DNA2: variants seen among roughly 807,000 people sequenced by gnomAD.
DNA2 encodes the protein DNA replication ATP-dependent helicase/nuclease DNA2.
Under a neutral mutation model 119.1 loss-of-function variants are expected in DNA2, and 101 were observed. That is an observed-to-expected ratio of 0.85 (90% CI 0.72 to 1.00). The LOEUF is 1.00. Ranked by LOEUF, DNA2 falls within the 50% of genes least tolerant of loss-of-function variation. DNA2 has a pLI of 0.00. For synonymous variants in DNA2, 366 were observed against 424.4 expected (o/e 0.86, Z 1.69); for missense variants, 1,121 against 1,255.5 (o/e 0.89, Z 1.62).
chr10:68,449,973 CAAAAA>C (rs57883442), intron 6 of DNA2, 50 bp downstream of exon 6: 229 of 974,726 alleles, frequency 2.3e-4, no homozygotes, highest in Middle Eastern at 3.4e-4. Context: ...GACTCTGTCT[CAAAAA>C]AAAAAAAAAA....
intron 14 of DNA2, among the ~76,000 whole-genome samples, chr10:68,429,544 CAAAAAA>C (rs533902480): frequency 9.8e-6 from 1 of 102,410 alleles, no homozygotes; most frequent in East Asian, 2.8e-4. Context: ...AACTCCGTCT[CAAAAAA>C]AAAAAAAAAA....
intron 14 of DNA2, among the ~76,000 whole-genome samples, chr10:68,427,536 T>C (rs7076176): frequency 0.27 from 40,134 of 149,750 alleles, 7,335 homozygotes; most frequent in African/African-American, 0.52. Context: ...ATAGTTCTAG[T>C]TACTCAGGAG....
chr10:68,437,471 T>C (rs1224197585), intron 9 of DNA2, among the ~76,000 whole-genome samples: 1 of 143,450 alleles, frequency 7.0e-6, no homozygotes, highest in Admixed American at 6.7e-5. Flanking sequence ...ACCCTATCTC[T>C]ACTAAAAAAA....
rs533931349 is a variant in DNA2, at chr10:68,434,265, G to A, written c.1647-1755C>T. ...ACTCCAGCCTGGGCAACAGTGAGAC[G>A]GTCTCAAAAAAAAAAAAGCCTTCCC... is the stretch of plus-strand genomic sequence containing the variant. On this transcript the variant is annotated intron_variant, in intron 10 of 20. Coordinates refer to ENST00000358410, the MANE Select transcript of DNA2 (RefSeq NM_001080449.3). 2.5e-3 allele frequency among the ~76,000 whole-genome samples: 363 copies of A among 146,798 alleles called. 3 individuals carry two copies. The highest frequency in any genetic ancestry group is 8.3e-3 in the South Asian group (38 of 4,576).
intron 13 of DNA2, among the ~76,000 whole-genome samples, chr10:68,431,432 A>C (rs1178761204): frequency 6.6e-6 from 1 of 152,028 alleles, no homozygotes; most frequent in African/African-American, 2.4e-5. Flanking sequence ...TTATAGGCGC[A>C]TGCCACTACG....
At chr10:68,457,173 A>T (rs988183714) in intron 5 of DNA2, among the ~76,000 whole-genome samples, 1 of 152,102 alleles carries the variant, frequency 6.6e-6, no homozygotes, top group East Asian at 1.9e-4. Context: ...AAACCCTCCA[A>T]TGGCTTCCAT....
chr10:68,421,416 C>T (rs938532022), intron 17 of DNA2, among the ~76,000 whole-genome samples: 2 of 151,974 alleles, frequency 1.3e-5, no homozygotes, highest in African/African-American at 4.8e-5. Context: ...ATCTACTGAC[C>T]TCCAGAATAA....
intron 4 of DNA2, among the ~76,000 whole-genome samples, chr10:68,461,054 C>T (rs2052251539): frequency 6.6e-6 from 1 of 151,890 alleles, no homozygotes; most frequent in Non-Finnish European, 1.5e-5. Flanking sequence ...GCTCCTGAAA[C>T]CAAGCAATGG....
chr10:68,440,258 A>G (rs1284973787), intron 9 of DNA2, among the ~76,000 whole-genome samples: 1 of 151,990 alleles, frequency 6.6e-6, no homozygotes, highest in Non-Finnish European at 1.5e-5. Flanking sequence ...GGGTCAAGAC[A>G]CTCCAGCCTG....
rs571109535 is a variant in DNA2, at chr10:68,427,215, A to T, written c.2208+3221T>A. ...GAAACCCCGTCTCTACTAAAAAAAA[A>T]AAATATGTGGCGCATGCCTGTAATC... On this transcript the variant is annotated intron_variant, in intron 14 of 20. Coordinates refer to ENST00000358410, the MANE Select transcript of DNA2 (RefSeq NM_001080449.3). 2.6e-5 allele frequency among the ~76,000 whole-genome samples: 4 copies of T among 151,884 alleles called. No individual in the cohort carries two copies. The South Asian group carries it at 8.3e-4, about 32-fold the overall frequency.
chr10:68,460,639 C>T (rs1333226303), intron 4 of DNA2, among the ~76,000 whole-genome samples: 3 of 152,038 alleles, frequency 2.0e-5, no homozygotes, highest in Non-Finnish European at 4.4e-5. Flanking sequence ...AACCCCTGAC[C>T]TCACGTGATC....
upstream of DNA2, chr10:68,471,976 G>C (rs778754876): frequency 6.2e-7 from 1 of 1,611,806 alleles, no homozygotes; most frequent in Non-Finnish European, 8.5e-7. Flanking sequence ...GCGCGCATGC[G>C]CCAACCCGCA....
At chr10:68,427,766 G>A (rs10998156) in intron 14 of DNA2, among the ~76,000 whole-genome samples, 3,199 of 152,054 alleles carry the variant, frequency 0.021, 47 homozygotes, top group Non-Finnish European at 0.032. Context: ...GGGCACGGTG[G>A]CTCATGCCTC....
At chr10:68,415,810 T>C (rs2051581397) in intron 20 of DNA2, among the ~76,000 whole-genome samples, 1 of 152,048 alleles carries the variant, frequency 6.6e-6, no homozygotes, top group South Asian at 2.1e-4. Flanking sequence ...CACGTCACCA[T>C]GCCCAGCTAA....
At chr10:68,472,140 C>A (rs1254648761), upstream of DNA2, 26 of 1,402,610 alleles carry the variant, frequency 1.9e-5, no homozygotes, top group Non-Finnish European at 2.4e-5. Context: ...GCAGACTAAA[C>A]GCTCCTGCCT....
At chr10:68,450,549 A>C (rs1430309348) in intron 5 of DNA2, among the ~76,000 whole-genome samples, 2 of 152,178 alleles carry the variant, frequency 1.3e-5, no homozygotes, top group East Asian at 3.8e-4. Context: ...AAGTTTAAGA[A>C]CCACTGTTCT....
At chr10:68,437,799 C>T (rs2051911243) in intron 9 of DNA2, among the ~76,000 whole-genome samples, 1 of 152,066 alleles carries the variant, frequency 6.6e-6, no homozygotes, top group Non-Finnish European at 1.5e-5. Flanking sequence ...CCTCCGACCC[C>T]CACCCTGTTC....
Position 68,459,194 on chromosome 10 carries a change from A to G in DNA2, c.629T>C (p.Val210Ala). The G allele has an allele frequency of 6.4e-7, 1 of 1,569,880 alleles. No homozygotes were observed. Among genetic ancestry groups the G allele is most frequent in the Non-Finnish European group, 8.6e-7 (1 of 1,156,376 alleles). The part of the protein sequence containing the change: ...NLSQDEIKQE[V>A]EDYLPSFCKW... ...ACAAAACGAAGGAAGATAGTCCTCT[A>G]CTTCTTGTTTTATTTCATCTTGACT... Residue 210 changes from valine to alanine, a missense_variant, in exon 5 of 21, where the codon GTA becomes GCA. By Grantham distance (64) the Val-to-Ala change is moderately conservative (BLOSUM62 0). Transcript: ENST00000358410.
intron 14 of DNA2, among the ~76,000 whole-genome samples, chr10:68,427,201 T>C (rs1329009272): frequency 2.0e-5 from 3 of 150,792 alleles, no homozygotes; most frequent in Non-Finnish European, 3.0e-5. Context: ...AAACCCCGTC[T>C]CTACTAAAAA....
Sources: allele counts gnomAD v4.1 joint callset (sites outside exome capture counted in the v4.1 genomes callset), GRCh38; gene constraint gnomAD v4.1.1; transcripts MANE v1.5; gene names NCBI Gene and HGNC (gene_info 2026-07-23, HGNC 2026-07-21).